RBFOX3: variants seen among roughly 807,000 people sequenced by gnomAD.
The protein encoded by RBFOX3 is RNA binding protein fox-1 homolog 3.
RBFOX3 carries 17 observed loss-of-function variants against 48.7 expected under a neutral mutation model. The ratio of observed to expected loss-of-function variants is 0.35; its 90% CI spans 0.24 to 0.52. RBFOX3 has a LOEUF of 0.52. RBFOX3 is among the 20% of genes least tolerant of loss of function. The pLI, the probability that RBFOX3 is intolerant of heterozygous loss-of-function variation, is 0.94. For missense variants in RBFOX3, 382 were observed against 497.5 expected, an observed-to-expected ratio of 0.77 and a Z score of 2.21; for synonymous variants, 212 against 209.5, an observed-to-expected ratio of 1.01 and a Z score of -0.10.
At chr17:79,149,747 G>A (rs551672430) in intron 4 of RBFOX3, among the ~76,000 whole-genome samples, 8 of 151,524 alleles carry the variant, frequency 5.3e-5, no homozygotes, top group South Asian at 2.1e-4. Flanking sequence ...GTCAGTAAAC[G>A]GACCTGCAGG....
the RBFOX3 span, among the ~76,000 whole-genome samples, chr17:79,620,160 G>T: frequency 1.7e-3 from 15 of 8,850 alleles, no homozygotes; most frequent in Non-Finnish European, 4.0e-3. Context: ...TGCACGCGCG[G>T]ACATGCACAC....
At chr17:79,519,972 G>C (rs934171208) in intron 1 of RBFOX3, among the ~76,000 whole-genome samples, 1 of 152,048 alleles carries the variant, frequency 6.6e-6, no homozygotes, top group African/African-American at 2.4e-5. Flanking sequence ...CTGTCACCTC[G>C]AGGATGGTGG....
intron 2 of RBFOX3, among the ~76,000 whole-genome samples, chr17:79,396,226 T>C (rs2061979739): frequency 6.6e-6 from 1 of 152,192 alleles, no homozygotes; most frequent in South Asian, 2.1e-4. Context: ...AGATACCCTT[T>C]TGGATCAAAT....
intron 1 of RBFOX3, among the ~76,000 whole-genome samples, chr17:79,587,896 G>A (rs2093304896): frequency 1.3e-5 from 2 of 152,238 alleles, no homozygotes; most frequent in South Asian, 4.2e-4. Context: ...GAGTGCAGTG[G>A]CACAATCATA....
At chr17:79,298,694 T>A (rs961230905) in intron 3 of RBFOX3, among the ~76,000 whole-genome samples, 1 of 152,114 alleles carries the variant, frequency 6.6e-6, no homozygotes, top group African/African-American at 2.4e-5. Context: ...CCGAGGGTCA[T>A]CTCGCCGGCA....
intron 2 of RBFOX3, among the ~76,000 whole-genome samples, chr17:79,349,961 G>A (rs1191724117): frequency 1.3e-5 from 2 of 152,178 alleles, no homozygotes; most frequent in Non-Finnish European, 2.9e-5. Context: ...CTCTGCTCCA[G>A]GAGGAGAGGC....
intron 1 of RBFOX3, among the ~76,000 whole-genome samples, chr17:79,499,847 A>G (rs1284001507): frequency 6.6e-6 from 1 of 152,198 alleles, no homozygotes; most frequent in Non-Finnish European, 1.5e-5. Context: ...CACCCTCCAC[A>G]CCAACAAAAG....
the RBFOX3 span, among the ~76,000 whole-genome samples, chr17:79,625,185 G>C: frequency 1.5e-4 from 23 of 151,972 alleles, no homozygotes; most frequent in Middle Eastern, 6.8e-3. Context: ...CCCCACCCCC[G>C]GGCAACCACT....
intron 2 of RBFOX3, among the ~76,000 whole-genome samples, chr17:79,350,221 C>T (rs561203757): frequency 6.6e-6 from 1 of 152,260 alleles, no homozygotes; most frequent in South Asian, 2.1e-4. Flanking sequence ...GCAGTTCTGA[C>T]AGTGGCCGGC....
At chr17:79,138,980 C>T (rs942486969) in intron 4 of RBFOX3, among the ~76,000 whole-genome samples, 1 of 147,008 alleles carries the variant, frequency 6.8e-6, no homozygotes, top group Non-Finnish European at 1.5e-5. Context: ...CACATGCGTT[C>T]ACACCCCCTC....
chr17:79,257,271 C>A (rs566535527), intron 3 of RBFOX3, among the ~76,000 whole-genome samples: 1 of 152,192 alleles, frequency 6.6e-6, no homozygotes, highest in Non-Finnish European at 1.5e-5. Context: ...GAGGTTTGTG[C>A]GGTTCCAGAG....
rs1320158448 is a variant in RBFOX3 at position 79,418,944 on chromosome 17, C to A, written c.-175+63510G>T. Among the ~76,000 whole-genome samples, 2 of 152,152 alleles carry A rather than the reference C, an allele frequency of 1.3e-5. No homozygotes were observed. Among genetic ancestry groups the A allele is most frequent in the Admixed American group, 6.5e-5 (1 of 15,278 alleles). ...CTATAGCAATTATATTCACATTCTG[C>A]TAGACAAATAGATTTTACAAGCCCT... On this transcript the variant is annotated intron_variant, in intron 2 of 14. Coordinates refer to ENST00000693108, the MANE Select transcript of RBFOX3 (RefSeq NM_001350451.2). This position sits in a 1 kb window ranked among gnomAD's most constrained non-coding sequence, Gnocchi z 5.0.
At chr17:79,422,306 G>T (rs2148758741) in intron 2 of RBFOX3, among the ~76,000 whole-genome samples, 1 of 152,144 alleles carries the variant, frequency 6.6e-6, no homozygotes, top group Non-Finnish European at 1.5e-5. Context: ...GGCCTCGCTG[G>T]CAACTGTGAC....
intron 3 of RBFOX3, among the ~76,000 whole-genome samples, chr17:79,269,358 C>A: frequency 6.6e-6 from 1 of 152,274 alleles, no homozygotes; most frequent in Middle Eastern, 3.4e-3. Flanking sequence ...TAGTTTATTA[C>A]GGTGGCCCCA....
At chr17:79,265,944 G>A (rs12601723) in intron 3 of RBFOX3, among the ~76,000 whole-genome samples, 8,962 of 152,294 alleles carry the variant, frequency 0.059, 313 homozygotes, top group South Asian at 0.12. Flanking sequence ...CATCCAGACT[G>A]CTTAGGCAGC....
chr17:79,641,691 G>A, the RBFOX3 span, among the ~76,000 whole-genome samples: 4 of 152,320 alleles, frequency 2.6e-5, no homozygotes, highest in East Asian at 7.7e-4. Context: ...ATTTGGATCT[G>A]TGTCCCCACC....
chr17:79,135,795 G>A (rs1386641783), intron 4 of RBFOX3, among the ~76,000 whole-genome samples: 4 of 152,208 alleles, frequency 2.6e-5, no homozygotes, highest in Non-Finnish European at 5.9e-5. Context: ...CAGCAGCCAA[G>A]GACTCAGAGA....
intron 1 of RBFOX3, among the ~76,000 whole-genome samples, chr17:79,487,822 G>C (rs2079860152): frequency 6.8e-6 from 1 of 146,328 alleles, no homozygotes; most frequent in South Asian, 2.2e-4. Flanking sequence ...TGAGGCAGGA[G>C]AATGGTGTGA....
rs1249876732 is a variant in RBFOX3, at chr17:79,115,728, A to C, written c.-13T>G. On this transcript the variant is annotated 5_prime_UTR_variant, in exon 5 of 15. Transcript: ENST00000693108. ...AGGGCTGGGCCATCGCTTCAGGCGG[A>C]GCCGTGGCGTCCTGATCGCTCTGTG... is the stretch of plus-strand genomic sequence containing the variant. The C allele has an allele frequency of 3.8e-6, 3 of 793,742 alleles. No homozygotes were observed. Among genetic ancestry groups the C allele is most frequent in the Non-Finnish European group, 6.2e-6 (3 of 486,064 alleles). 49.2% of individuals were successfully genotyped at this position (793,742 alleles called of 1,614,324 possible). A position where few individuals can be genotyped will look rare whatever the true frequency, so the allele number is the denominator to read the frequency against.
Sources: allele counts gnomAD v4.1 joint callset (sites outside exome capture counted in the v4.1 genomes callset), GRCh38; gene constraint gnomAD v4.1.1; non-coding constraint Gnocchi (gnomAD v3.1); transcripts MANE v1.5; gene names NCBI Gene and HGNC (gene_info 2026-07-23, HGNC 2026-07-21).